Variants in DIP2B observed in about 807,000 individuals in gnomAD.
The protein encoded by DIP2B is DIP2 acetate--CoA ligase B (putative).
In DIP2B, 76 loss-of-function variants were observed where a neutral mutation model predicts 198.0. The ratio of observed to expected loss-of-function variants is 0.38; its 90% confidence interval spans 0.32 to 0.46. The LOEUF is 0.46. Ranked by LOEUF, DIP2B falls within the 20% of genes least tolerant of loss-of-function variation. The pLI is 0.99. For missense variants in DIP2B, 1,559 were observed against 1,978.4 expected (o/e 0.79, Z 4.02); for synonymous variants, 701 against 739.1 (o/e 0.95, Z 0.84).
At chr12:50,515,364 G>T (rs1010329572) in intron 1 of DIP2B, among the ~76,000 whole-genome samples, 1 of 151,956 alleles carries the variant, frequency 6.6e-6, no homozygotes, top group African/African-American at 2.4e-5. Context: ...CCAAGTAGCT[G>T]GGATTAACAG....
chr12:50,532,036 C>A (rs1315173980), intron 1 of DIP2B, among the ~76,000 whole-genome samples: 2 of 152,134 alleles, frequency 1.3e-5, no homozygotes, highest in Non-Finnish European at 2.9e-5. Context: ...CTCCCTGAGT[C>A]AGCAAAGCTT....
intron 3 of DIP2B, among the ~76,000 whole-genome samples, chr12:50,648,061 G>A (rs1938380978): frequency 2.6e-5 from 4 of 151,994 alleles, no homozygotes; most frequent in Admixed American, 2.0e-4. Flanking sequence ...AGCCAACATC[G>A]CGCCACTGCA....
At chr12:50,576,485 T>A (rs1163745814) in intron 1 of DIP2B, among the ~76,000 whole-genome samples, 2 of 151,432 alleles carry the variant, frequency 1.3e-5, no homozygotes, top group African/African-American at 4.9e-5. Flanking sequence ...CCCCCACCTT[T>A]TTTTTCTTTT....
chr12:50,520,142 A>G (rs948562867), intron 1 of DIP2B, among the ~76,000 whole-genome samples: 7 of 144,188 alleles, frequency 4.9e-5, no homozygotes, highest in Admixed American at 1.5e-4. Flanking sequence ...GGTTCAAGCC[A>G]TTGTCCTGCC....
At chr12:50,589,876 C>T (rs1419983577) in intron 1 of DIP2B, among the ~76,000 whole-genome samples, 6 of 152,128 alleles carry the variant, frequency 3.9e-5, no homozygotes, top group African/African-American at 1.2e-4. Flanking sequence ...ATATGCTAAT[C>T]GGGGATTAAT....
chr12:50,719,776 G>T (rs1293851946), intron 25 of DIP2B, among the ~76,000 whole-genome samples: 1 of 151,450 alleles, frequency 6.6e-6, no homozygotes, highest in Non-Finnish European at 1.5e-5. Context: ...GGGAGGCGGA[G>T]GTTGCAGTGA....
intron 2 of DIP2B, among the ~76,000 whole-genome samples, chr12:50,630,663 C>CTTTTTTTTTTT (rs11327858): frequency 2.1e-4 from 16 of 74,564 alleles, no homozygotes; most frequent in East Asian, 3.7e-4. Flanking sequence ...TCTTTCTTTT[C>CTTTTTTTTTTT]TTTTTTTTTT....
At chr12:50,649,344 A>G (rs1938413356) in intron 3 of DIP2B, among the ~76,000 whole-genome samples, 1 of 152,222 alleles carries the variant, frequency 6.6e-6, no homozygotes, top group South Asian at 2.1e-4. Flanking sequence ...AGATATTAAA[A>G]CATCCTATAG....
intron 16 of DIP2B, among the ~76,000 whole-genome samples, chr12:50,696,690 G>A (rs1330804568): frequency 2.0e-5 from 3 of 152,152 alleles, no homozygotes; most frequent in Non-Finnish European, 4.4e-5. Context: ...TATAGAAGGT[G>A]GAGCTAAGCC....
chr12:50,626,165 A>G (rs1325092763), intron 2 of DIP2B, 118 bp downstream of exon 2: 3 of 1,022,406 alleles, frequency 2.9e-6, no homozygotes, highest in Non-Finnish European at 4.4e-6. Context: ...ACCAGGGGAG[A>G]GAAAAAAACG....
At chr12:50,713,393 A>G (rs1471405093) in intron 22 of DIP2B, among the ~76,000 whole-genome samples, 2 of 152,264 alleles carry the variant, frequency 1.3e-5, no homozygotes, top group Non-Finnish European at 2.9e-5. Context: ...TCCAAAGCAT[A>G]ACTCCTTCTG....
chr12:50,586,609 G>C (rs1958772519), intron 1 of DIP2B, among the ~76,000 whole-genome samples: 1 of 152,226 alleles, frequency 6.6e-6, no homozygotes, highest in Non-Finnish European at 1.5e-5. Context: ...GTCTTGGTCT[G>C]TTGCCCAGAC....
In DIP2B at chr12:50,614,936, C is replaced by T. The variant is rs142993996; in HGVS notation, c.101-11040C>T. ...ATTGGCTACCAACAAAATTCTTCAT[C>T]TCTTTAAAAGCTTTCACTTTTTTTG... On this transcript the variant is annotated intron_variant, in intron 1 of 37. Transcript: ENST00000301180. 8.0e-4 allele frequency among the ~76,000 whole-genome samples: 122 copies of T among 152,296 alleles called. 2 individuals are homozygous for T. The highest frequency in any genetic ancestry group is 2.7e-3 in the African/African-American group (114 of 41,542).
chr12:50,734,021 G>A (rs752895495), intron 32 of DIP2B, 114 bp from the exon 33 acceptor site: 40 of 1,046,730 alleles, frequency 3.8e-5, no homozygotes, highest in Non-Finnish European at 5.2e-5. Context: ...AAGGGGAGGA[G>A]AGGTGAAAAG....
intron 20 of DIP2B, among the ~76,000 whole-genome samples, chr12:50,705,335 A>C (rs571919816): frequency 1.0e-3 from 154 of 152,240 alleles, no homozygotes; most frequent in Admixed American, 1.8e-3. Context: ...AACTCTCTAC[A>C]CCTTTGTCTT....
chr12:50,509,949 C>G (rs986196353), intron 1 of DIP2B, among the ~76,000 whole-genome samples: 1 of 152,180 alleles, frequency 6.6e-6, no homozygotes, highest in Non-Finnish European at 1.5e-5. Context: ...TCTAAGTAAT[C>G]TACCTCCAGA....
rs1030160387 is a variant in DIP2B, at chr12:50,586,029, G to A, written c.101-39947G>A. On this transcript the variant is annotated intron_variant, in intron 1 of 37. Coordinates refer to ENST00000301180, the MANE Select transcript of DIP2B (RefSeq NM_173602.3). ...GACCTGGAGGTTCCCACAAACACAT[G>A]GCATTCTGAGAACTCATGCGTCCTA... is the stretch of plus-strand genomic sequence containing the variant. Among the ~76,000 whole-genome samples, 3 of 152,268 alleles carry A rather than the reference G, an allele frequency of 2.0e-5. No homozygotes were observed. The East Asian group carries it at 5.8e-4, about 29-fold the overall frequency.
At chr12:50,632,261 C>T (rs923076808) in intron 2 of DIP2B, among the ~76,000 whole-genome samples, 2 of 151,742 alleles carry the variant, frequency 1.3e-5, no homozygotes. Context: ...CCGAGGTGGG[C>T]CTGAGGTTGG....
chr12:50,547,189 T>C (rs1053287639), intron 1 of DIP2B, among the ~76,000 whole-genome samples: 1 of 152,344 alleles, frequency 6.6e-6, no homozygotes, highest in East Asian at 1.9e-4. Flanking sequence ...TGTTTAACTT[T>C]GATGATTGAT....
Sources: gnomAD v4.1 joint callset for allele counts (sites outside exome capture counted in the v4.1 genomes callset) on GRCh38, gnomAD v4.1.1 for gene constraint, MANE v1.5 for transcripts, NCBI Gene and HGNC (gene_info 2026-07-23, HGNC 2026-07-21) for gene names.